The following GALNT14 variants were observed in gnomAD, a reference collection of about 807,000 sequenced individuals.
GALNT14 encodes polypeptide N-acetylgalactosaminyltransferase 14.
In GALNT14, 60 loss-of-function variants were observed where a neutral mutation model predicts 77.5. The observed-to-expected ratio is 0.77, with a 90% confidence interval of 0.63 to 0.96. The LOEUF (loss-of-function observed/expected upper bound fraction) is 0.96, where lower values mean the gene tolerates loss of function less well. GALNT14 is among the 40% of genes least tolerant of loss of function. GALNT14 has a pLI of 0.00. For synonymous variants in GALNT14, 280 were observed against 281.7 expected, an observed-to-expected ratio of 0.99 and a Z score of 0.06; for missense variants, 710 against 731.0, an observed-to-expected ratio of 0.97 and a Z score of 0.33.
chr2:31,051,193 C>T (rs72854807), intron 1 of GALNT14, among the ~76,000 whole-genome samples: 2,850 of 152,202 alleles, frequency 0.019, 79 homozygotes, highest in African/African-American at 0.057. Context: ...ACAGGCCCAG[C>T]GGATCAAGAT....
At chr2:30,948,540 G>A (rs11693462) in intron 6 of GALNT14, among the ~76,000 whole-genome samples, 41 of 152,340 alleles carry the variant, frequency 2.7e-4, no homozygotes, top group Non-Finnish European at 5.0e-4. Flanking sequence ...CCTGGATATC[G>A]AGGCTTGCGG....
At chr2:30,895,250 G>C in the GALNT14 span, among the ~76,000 whole-genome samples, 1 of 152,154 alleles carries the variant, frequency 6.6e-6, no homozygotes, top group African/African-American at 2.4e-5. Flanking sequence ...ATTCTCTGAG[G>C]AGCTTACACA....
intron 4 of GALNT14, among the ~76,000 whole-genome samples, chr2:30,957,641 C>G (rs907777448): frequency 7.2e-5 from 11 of 152,170 alleles, no homozygotes; most frequent in African/African-American, 2.7e-4. Context: ...TTCCAGCCTT[C>G]GTACAGCAGA....
chr2:31,103,062 G>A (rs1677360347), intron 1 of GALNT14, among the ~76,000 whole-genome samples: 1 of 152,022 alleles, frequency 6.6e-6, no homozygotes, highest in Non-Finnish European at 1.5e-5. Context: ...GGGTTGTGGT[G>A]TGCGATCCTT....
At chr2:30,954,447 G>C (rs1202180665) in intron 6 of GALNT14, among the ~76,000 whole-genome samples, 2 of 152,114 alleles carry the variant, frequency 1.3e-5, no homozygotes, top group Admixed American at 1.3e-4. Flanking sequence ...TGCAACCTCT[G>C]CCTCCTGGGT....
intron 1 of GALNT14, among the ~76,000 whole-genome samples, chr2:31,103,886 G>A (rs982353542): frequency 6.6e-6 from 1 of 152,142 alleles, no homozygotes; most frequent in Non-Finnish European, 1.5e-5. Context: ...TTTGTTGACT[G>A]AAGTTCACCC....
At chr2:31,115,272 AT>A (rs199771950) in intron 1 of GALNT14, among the ~76,000 whole-genome samples, 2,526 of 152,170 alleles carry the variant, frequency 0.017, 21 homozygotes, top group South Asian at 0.03. Context: ...AAAAAAAAAA[AT>A]AATCCCAAAC....
intron 4 of GALNT14, among the ~76,000 whole-genome samples, chr2:30,957,957 G>C (rs1667467209): frequency 6.6e-6 from 1 of 152,158 alleles, no homozygotes; most frequent in Non-Finnish European, 1.5e-5. Flanking sequence ...GTTTTTCTTG[G>C]AGAGAGTGGA....
intron 6 of GALNT14, among the ~76,000 whole-genome samples, chr2:30,947,253 G>C (rs1163430804): frequency 2.0e-5 from 3 of 152,090 alleles, no homozygotes; most frequent in African/African-American, 7.2e-5. Flanking sequence ...CTGCCACTCA[G>C]CTGCTAAAAA....
At chr2:31,102,703 T>C (rs1677340206) in intron 1 of GALNT14, among the ~76,000 whole-genome samples, 1 of 152,194 alleles carries the variant, frequency 6.6e-6, no homozygotes, top group Non-Finnish European at 1.5e-5. Context: ...TATTGATTTT[T>C]ATTCTTTGTC....
At chr2:30,958,972 C>T (rs1289151205) in intron 3 of GALNT14, among the ~76,000 whole-genome samples, 1 of 152,214 alleles carries the variant, frequency 6.6e-6, no homozygotes, top group Non-Finnish European at 1.5e-5. Flanking sequence ...GGGCTCCTCA[C>T]TATTGACATC....
At chr2:30,980,339 A>G (rs1234057388) in intron 2 of GALNT14, among the ~76,000 whole-genome samples, 2 of 152,246 alleles carry the variant, frequency 1.3e-5, no homozygotes, top group Non-Finnish European at 2.9e-5. Context: ...TGATGAAACC[A>G]GAACTGTTGC....
intron 6 of GALNT14, among the ~76,000 whole-genome samples, chr2:30,953,208 G>A (rs536459110): frequency 2.6e-5 from 4 of 152,116 alleles, no homozygotes; most frequent in African/African-American, 9.6e-5. Context: ...TTTTTGGGGA[G>A]GTAAAGGTTC....
rs549580271 is a variant in GALNT14 at position 31,111,896 on chromosome 2, G to A, written c.129+26062C>T. 1.9e-4 allele frequency among the ~76,000 whole-genome samples: 29 copies of A among 151,676 alleles called. No individual in the cohort carries two copies. In the South Asian group the frequency reaches 2.9e-3, roughly 15 times the overall value. Reference sequence around the variant, plus strand: ...TATTTATTTTTTGATGTTTTAAATAGGCCATCAGAAGTACGGTCACCAACA... The same window carrying A: ...TATTTATTTTTTGATGTTTTAAATAAGCCATCAGAAGTACGGTCACCAACA... On this transcript the variant is annotated intron_variant, in intron 1 of 14. Coordinates refer to ENST00000349752, the MANE Select transcript of GALNT14 (RefSeq NM_024572.4).
At chr2:31,122,096 C>T (rs552417458) in intron 1 of GALNT14, among the ~76,000 whole-genome samples, 4 of 152,350 alleles carry the variant, frequency 2.6e-5, no homozygotes, top group Admixed American at 6.5e-5. Context: ...GAATGGGATA[C>T]AGCCAGTCCT....
intron 1 of GALNT14, among the ~76,000 whole-genome samples, chr2:31,107,538 G>C (rs1319621417): frequency 2.0e-5 from 3 of 152,152 alleles, no homozygotes; most frequent in Non-Finnish European, 4.4e-5. Flanking sequence ...CAGCAACAAG[G>C]AGACTGTAAT....
chr2:31,057,434 C>T (rs1294657764), intron 1 of GALNT14, among the ~76,000 whole-genome samples: 1 of 147,594 alleles, frequency 6.8e-6, no homozygotes, highest in African/African-American at 2.5e-5. Flanking sequence ...TATACACACA[C>T]ACACGGCTGT....
intron 1 of GALNT14, among the ~76,000 whole-genome samples, chr2:31,107,886 T>G (rs2148621345): frequency 6.6e-6 from 1 of 152,306 alleles, no homozygotes; most frequent in African/African-American, 2.4e-5. Flanking sequence ...GCTTGAGGGC[T>G]GCTCTCCCAT....
chr2:30,902,067 T>C, the GALNT14 span, among the ~76,000 whole-genome samples: 1 of 152,198 alleles, frequency 6.6e-6, no homozygotes, highest in Non-Finnish European at 1.5e-5. Context: ...CTGAGGGCTC[T>C]CATTCAGCAT....
Sources: allele counts gnomAD v4.1 joint callset (sites outside exome capture counted in the v4.1 genomes callset), GRCh38; gene constraint gnomAD v4.1.1; transcripts MANE v1.5; gene names NCBI Gene and HGNC (gene_info 2026-07-23, HGNC 2026-07-21).